The following CEP112 variants were observed in gnomAD, a reference collection of about 807,000 sequenced individuals.
CEP112 encodes centrosomal protein 112.
CEP112 carries 127 observed loss-of-function variants against 153.0 expected under a neutral mutation model. The observed-to-expected ratio is 0.83, with a 90% confidence interval of 0.72 to 0.96. The LOEUF (loss-of-function observed/expected upper bound fraction) is 0.96. Among genes scored for constraint, CEP112 ranks in the 40% least tolerant of loss-of-function variants. The pLI is 0.00. For missense variants in CEP112, 1,089 were observed against 1,101.2 expected, an observed-to-expected ratio of 0.99 and a Z score of 0.16; for synonymous variants, 358 against 374.4, an observed-to-expected ratio of 0.96 and a Z score of 0.51.
At chr17:65,909,480 C>T (rs1405917001) in intron 19 of CEP112, among the ~76,000 whole-genome samples, 11 of 152,124 alleles carry the variant, frequency 7.2e-5, no homozygotes, top group Admixed American at 7.2e-4. Flanking sequence ...CTAGCTAATA[C>T]AATGTTAATC....
intron 16 of CEP112, among the ~76,000 whole-genome samples, chr17:66,012,891 C>A (rs1011571155): frequency 6.6e-6 from 1 of 152,132 alleles, no homozygotes; most frequent in Non-Finnish European, 1.5e-5. Context: ...TTCACATAAT[C>A]CCGTATTTCT....
rs11079607 is a variant in CEP112, at chr17:65,950,699, C to G, written c.1872+10764G>C. On this transcript the variant is annotated intron_variant, in intron 18 of 26. Coordinates refer to ENST00000535342, the MANE Select transcript of CEP112 (RefSeq NM_001199165.4). ...CTTTCTTTCCATTCTGGATACATTACTAGTAGTAGTAGTAGTAGTAGTAGT... is the reference window on the plus strand; with the variant it reads ...CTTTCTTTCCATTCTGGATACATTAGTAGTAGTAGTAGTAGTAGTAGTAGT... Among the ~76,000 whole-genome samples, 212 of 147,184 alleles carry G rather than the reference C, an allele frequency of 1.4e-3. 1 individual carries two copies. The highest frequency in any genetic ancestry group is 4.9e-3 in the African/African-American group (199 of 40,268).
chr17:65,750,972 GAGAA>G (rs903788697), intron 21 of CEP112: 2 of 408,922 alleles, frequency 4.9e-6, no homozygotes, highest in South Asian at 5.1e-5. Context: ...AAGAGAAAGG[GAGAA>G]AGAGAGACAG....
intron 17 of CEP112, 30 bp downstream of exon 17, chr17:66,005,660 T>C (rs769285260): frequency 6.3e-7 from 1 of 1,596,692 alleles, no homozygotes. Context: ...AAGGGTAGTT[T>C]TAAATCAAAT....
rs150696511 is a variant in CEP112 at position 65,918,458 on chromosome 17, G to GT, written c.1980+9123dup. Among the ~76,000 whole-genome samples the GT allele has an allele frequency of 8.6e-3, 1,307 of 151,682 alleles. 19 individuals carry two copies. Among genetic ancestry groups the GT allele is most frequent in the African/African-American group, 0.029 (1,215 of 41,416 alleles). The stretch of plus-strand genomic sequence containing the variant: ...GGCCCTTCAGTGTTTTTTGTTTTTT[G>GT]TTTTTTTTGTAATCATTGACAATAA... On this transcript the variant is annotated intron_variant, in intron 19 of 26. Coordinates refer to ENST00000535342, the MANE Select transcript of CEP112 (RefSeq NM_001199165.4).
intron 4 of CEP112, among the ~76,000 whole-genome samples, chr17:66,149,868 G>GTTTTGTTTTT (rs1568549079): frequency 2.5e-5 from 2 of 79,550 alleles, no homozygotes; most frequent in African/African-American, 4.8e-5. Flanking sequence ...TAAATTTAGG[G>GTTTTGTTTTT]TTTTTTTTTT....
chr17:65,980,786 T>G (rs1298198297), intron 17 of CEP112, among the ~76,000 whole-genome samples: 2 of 152,078 alleles, frequency 1.3e-5, no homozygotes, highest in Non-Finnish European at 2.9e-5. Context: ...TTTTTTTTCT[T>G]TTTTTGAGGG....
intron 23 of CEP112, among the ~76,000 whole-genome samples, chr17:65,693,398 A>G (rs958869170): frequency 1.3e-5 from 2 of 151,842 alleles, no homozygotes; most frequent in South Asian, 2.1e-4. Context: ...TTCACGCCCA[A>G]TTGTGTTTTT....
At chr17:66,083,144 G>C (rs2067788181) in intron 8 of CEP112, among the ~76,000 whole-genome samples, 1 of 152,166 alleles carries the variant, frequency 6.6e-6, no homozygotes, top group Non-Finnish European at 1.5e-5. Context: ...TGTGTTGTGA[G>C]AGGGACCCAG....
At chr17:65,636,756 C>T (rs1037471382) in intron 26 of CEP112, 4 of 194,370 alleles carry the variant, frequency 2.1e-5, no homozygotes, top group Middle Eastern at 2.0e-3. Context: ...GGATTATAGG[C>T]GTGTGCCACC....
At position 65,844,947 on chromosome 17, in the gene CEP112, A is replaced by G. The variant is rs1429310450; in HGVS notation, c.2394+6857T>C. ...GGAATCGCTTGAACCTGGGAGGCAG[A>G]GGTTGCAGTGAGCCGAGATTGTGCC... On this transcript the variant is annotated intron_variant, in intron 21 of 26. Coordinates refer to ENST00000535342, the MANE Select transcript of CEP112 (RefSeq NM_001199165.4). Among the ~76,000 whole-genome samples the G allele has an allele frequency of 2.0e-5, 3 of 152,016 alleles. No homozygotes were observed. In the East Asian group the frequency reaches 5.8e-4, roughly 29 times the overall value.
intron 21 of CEP112, among the ~76,000 whole-genome samples, chr17:65,796,749 T>C (rs916880444): frequency 6.6e-6 from 1 of 151,328 alleles, no homozygotes. Flanking sequence ...AATAATATCT[T>C]GGGTTGGGCA....
intron 17 of CEP112, 92 bp downstream of exon 17, chr17:66,005,598 T>C (rs2064240205): frequency 2.8e-6 from 4 of 1,421,196 alleles, no homozygotes; most frequent in East Asian, 5.4e-5. Flanking sequence ...AAAGCTCTTA[T>C]AAAAATATAG....
chr17:66,060,089 T>G (rs1018427926), intron 11 of CEP112, among the ~76,000 whole-genome samples: 4 of 152,050 alleles, frequency 2.6e-5, no homozygotes, highest in Non-Finnish European at 5.9e-5. Context: ...AGCTAAACAT[T>G]GGTATATATG....
intron 21 of CEP112, among the ~76,000 whole-genome samples, chr17:65,843,283 C>A (rs187572695): frequency 6.6e-6 from 1 of 152,184 alleles, no homozygotes; most frequent in African/African-American, 2.4e-5. Context: ...CAGGCTATAG[C>A]TTATATATCC....
intron 5 of CEP112, among the ~76,000 whole-genome samples, chr17:66,130,340 G>A (rs928286356): frequency 1.1e-4 from 16 of 152,086 alleles, no homozygotes; most frequent in African/African-American, 2.2e-4. Flanking sequence ...GGGCAGGGGC[G>A]ACGTGAAAAG....
At chr17:65,969,977 A>T (rs1015219452) in intron 17 of CEP112, among the ~76,000 whole-genome samples, 1 of 152,236 alleles carries the variant, frequency 6.6e-6, no homozygotes, top group Non-Finnish European at 1.5e-5. Flanking sequence ...TATAACATGC[A>T]TATCACACGC....
chr17:65,887,938 A>G (rs1433391200), intron 20 of CEP112, among the ~76,000 whole-genome samples: 1 of 152,162 alleles, frequency 6.6e-6, no homozygotes, highest in Non-Finnish European at 1.5e-5. Flanking sequence ...CAAAGCAGGT[A>G]AAGTTTGCCT....
intron 18 of CEP112, among the ~76,000 whole-genome samples, chr17:65,948,753 G>A (rs936645675): frequency 2.6e-5 from 4 of 152,172 alleles, no homozygotes; most frequent in African/African-American, 7.2e-5. Flanking sequence ...TCTTCAAAGC[G>A]AAAGAAAGAG....
Sources: allele counts gnomAD v4.1 joint callset (sites outside exome capture counted in the v4.1 genomes callset), GRCh38; gene constraint gnomAD v4.1.1; transcripts MANE v1.5; gene names NCBI Gene and HGNC (gene_info 2026-07-23, HGNC 2026-07-21).